EXD1: variants seen among roughly 807,000 people sequenced by gnomAD.
The protein encoded by EXD1 is piRNA biogenesis protein EXD1.
Under a neutral mutation model 49.1 loss-of-function variants are expected in EXD1, and 63 were observed. That is an observed-to-expected ratio of 1.28 (90% confidence interval 1.05 to 1.58). The LOEUF (loss-of-function observed/expected upper bound fraction) is 1.58, where lower values mean the gene tolerates loss of function less well. EXD1 is among the 40% of genes most tolerant of loss of function. The pLI is 0.00. For missense variants in EXD1, 748 were observed against 666.0 expected, an observed-to-expected ratio of 1.12 and a Z score of -1.36; for synonymous variants, 234 against 239.2, an observed-to-expected ratio of 0.98 and a Z score of 0.20.
intron 6 of EXD1, among the ~76,000 whole-genome samples, chr15:41,215,268 G>A (rs1364812581): frequency 3.3e-5 from 5 of 152,108 alleles, no homozygotes; most frequent in Non-Finnish European, 5.9e-5. Context: ...GCTCCTTGAG[G>A]GCGGGAACTT....
intron 6 of EXD1, among the ~76,000 whole-genome samples, chr15:41,213,457 G>C (rs8034649): frequency 0.16 from 24,736 of 151,724 alleles, 3,734 homozygotes; most frequent in African/African-American, 0.4. Flanking sequence ...TCTCGGCCTC[G>C]CAAAGTGCTG....
rs149848412 is a variant in EXD1 at position 41,193,024 on chromosome 15, T to A, written c.721-1439A>T. Among the ~76,000 whole-genome samples the A allele has an allele frequency of 5.8e-4, 88 of 152,084 alleles. 2 individuals carry two copies. Among genetic ancestry groups the A allele is most frequent in the African/African-American group, 2.1e-3 (86 of 41,500 alleles). On this transcript the variant is annotated intron_variant, in intron 9 of 11. Coordinates refer to ENST00000458580, the MANE Select transcript of EXD1 (RefSeq NM_001286441.2). The stretch of plus-strand genomic sequence containing the variant: ...TGCTCTCGATCTCCTGACCTTGTGA[T>A]CCGTCCGCCTCGCCCTCCCAAAGTG...
chr15:41,206,014 GA>G (rs932442736), intron 7 of EXD1, among the ~76,000 whole-genome samples: 4 of 150,772 alleles, frequency 2.7e-5, no homozygotes, highest in Non-Finnish European at 5.9e-5. Context: ...CATAAATTCT[GA>G]ATTCTGTCTT....
chr15:41,230,691 G>A lies in EXD1; in HGVS notation c.-266C>T, dbSNP rs1214251981. 3.7e-6 allele frequency: 3 copies of A among 801,818 alleles called. No individual in the cohort carries two copies. Among genetic ancestry groups the A allele is most frequent in the Admixed American group, 2.9e-5 (1 of 34,764 alleles). 49.7% of individuals were successfully genotyped at this position (801,818 alleles called of 1,614,324 possible). A position where few individuals can be genotyped will look rare whatever the true frequency, so the allele number is the denominator to read the frequency against. On this transcript the variant is annotated 5_prime_UTR_variant, in exon 1 of 12. Coordinates refer to ENST00000458580, the MANE Select transcript of EXD1 (RefSeq NM_001286441.2). ...ATCACAGGCTGAAAACCTGGAGAAA[G>A]GTCCGCGACGCCGGGGACACACGCC...
intron 11 of EXD1, among the ~76,000 whole-genome samples, chr15:41,187,960 AG>A (rs1365774765): frequency 2.8e-5 from 4 of 144,934 alleles, no homozygotes; most frequent in Non-Finnish European, 6.0e-5. Context: ...GTTTGTAGTG[AG>A]CCGGTATCAC....
chr15:41,197,321 G>C (rs561672364), intron 7 of EXD1, among the ~76,000 whole-genome samples: 2 of 150,286 alleles, frequency 1.3e-5, no homozygotes, highest in African/African-American at 4.9e-5. Flanking sequence ...TCTGCTGTCC[G>C]GGTTCTCGCC....
At chr15:41,229,344 G>A (rs2047204238) in intron 1 of EXD1, among the ~76,000 whole-genome samples, 2 of 152,096 alleles carry the variant, frequency 1.3e-5, no homozygotes, top group Admixed American at 1.3e-4. Flanking sequence ...TGGGCGTGGT[G>A]GCACGCGCCT....
At chr15:41,189,465 C>A (rs1303176298) in intron 11 of EXD1, among the ~76,000 whole-genome samples, 1 of 151,654 alleles carries the variant, frequency 6.6e-6, no homozygotes, top group Non-Finnish European at 1.5e-5. Flanking sequence ...AGTTTGAGAC[C>A]AGCCTGGCCA....
chr15:41,211,168 A>C (rs1395122308), intron 6 of EXD1, among the ~76,000 whole-genome samples: 2 of 152,082 alleles, frequency 1.3e-5, no homozygotes, highest in Non-Finnish European at 2.9e-5. Context: ...GGCTCAAGCT[A>C]TCCTCCTACT....
chr15:41,223,847 A>T (rs2047124647), intron 2 of EXD1, among the ~76,000 whole-genome samples: 1 of 151,982 alleles, frequency 6.6e-6, no homozygotes, highest in African/African-American at 2.4e-5. Flanking sequence ...CCTGGGTGAC[A>T]CAGCGAGACT....
At chr15:41,213,811 T>C (rs1210108229) in intron 6 of EXD1, among the ~76,000 whole-genome samples, 2 of 152,204 alleles carry the variant, frequency 1.3e-5, no homozygotes, top group East Asian at 3.8e-4. Flanking sequence ...AAATTTATTA[T>C]GTTGCTTTAC....
intron 9 of EXD1, 51 bp downstream of exon 9, chr15:41,195,724 T>G: frequency 7.0e-7 from 1 of 1,437,730 alleles, no homozygotes; most frequent in Non-Finnish European, 9.3e-7. Context: ...AGCCCTTTTA[T>G]CTACAGGAGC....
intron 7 of EXD1, among the ~76,000 whole-genome samples, chr15:41,206,938 T>G (rs1012742267): frequency 1.4e-5 from 2 of 141,138 alleles, no homozygotes; most frequent in Non-Finnish European, 3.1e-5. Flanking sequence ...TCTTTTTTTT[T>G]TTTTTTTTTT....
In EXD1 at chr15:41,189,934, T is replaced by C. The variant is rs994780684; in HGVS notation, c.1056+3A>G. On this transcript the variant is annotated splice_donor_region_variant and intron_variant, in intron 11 of 11. Coordinates refer to ENST00000458580, the MANE Select transcript of EXD1 (RefSeq NM_001286441.2). ...GGTCCTGAAGACAGAGAGCTGCACC[T>C]ACCTCAGTGCCTCCAAGCCGGTCTG... is the stretch of plus-strand genomic sequence containing the variant. 5 of 1,613,598 alleles carry C rather than the reference T, an allele frequency of 3.1e-6. No homozygotes were observed.
chr15:41,193,341 T>G (rs1386329539), intron 9 of EXD1, among the ~76,000 whole-genome samples: 1 of 152,208 alleles, frequency 6.6e-6, no homozygotes, highest in African/African-American at 2.4e-5. Flanking sequence ...GGGCTGAGAA[T>G]GCATTCCTAT....
At chr15:41,193,435 C>T (rs2046561941) in intron 9 of EXD1, among the ~76,000 whole-genome samples, 2 of 151,946 alleles carry the variant, frequency 1.3e-5, no homozygotes, top group Non-Finnish European at 1.5e-5. Context: ...AGTGAGACTC[C>T]GTTTCTGGGG....
At chr15:41,223,325 C>A (rs1462722247) in intron 2 of EXD1, among the ~76,000 whole-genome samples, 1 of 152,000 alleles carries the variant, frequency 6.6e-6, no homozygotes, top group Non-Finnish European at 1.5e-5. Context: ...GAGGCTGAAG[C>A]AGGAAAATCA....
At chr15:41,199,784 T>A (rs1207174532) in intron 7 of EXD1, among the ~76,000 whole-genome samples, 2 of 107,742 alleles carry the variant, frequency 1.9e-5, no homozygotes, top group Non-Finnish European at 3.6e-5. Context: ...TGTCATATAT[T>A]ATATAATGTC....
chr15:41,184,036 A>C lies in EXD1; in HGVS notation c.1614T>G (p.Ser538Arg). 3.7e-6 allele frequency: 6 copies of C among 1,614,132 alleles called. No homozygotes were observed. Among genetic ancestry groups the C allele is most frequent in the Non-Finnish European group, 5.1e-6 (6 of 1,179,994 alleles). Residue 538 changes from serine to arginine, a missense_variant, in exon 12 of 12, where the codon AGT becomes AGG. Physicochemically the swap from Ser to Arg is moderately radical, Grantham distance 110. Transcript: ENST00000458580. Reference protein sequence around the residue: ...SFPQETRVSPSDTFYPIRKTV... With the variant: ...SFPQETRVSPRDTFYPIRKTV... ...TCTTTCTGATAGGATAAAAAGTGTC[A>C]CTTGGAGACACTCTGGTTTCCTGAG...
Sources: gnomAD v4.1 joint callset for allele counts (sites outside exome capture counted in the v4.1 genomes callset) on GRCh38, gnomAD v4.1.1 for gene constraint, MANE v1.5 for transcripts, NCBI Gene and HGNC (gene_info 2026-07-23, HGNC 2026-07-21) for gene names.